CDKAL1: variants seen among roughly 807,000 people sequenced by gnomAD.
CDKAL1 encodes CDKAL1 threonylcarbamoyladenosine tRNA methylthiotransferase.
In CDKAL1, 32 loss-of-function variants were observed where a neutral mutation model predicts 68.2. That is an observed-to-expected ratio of 0.47 (90% confidence interval 0.35 to 0.63). The LOEUF (loss-of-function observed/expected upper bound fraction) is 0.63. Ranked by LOEUF, CDKAL1 falls within the 30% of genes least tolerant of loss-of-function variation. The pLI is 0.00. For missense variants in CDKAL1, 606 were observed against 696.7 expected, an observed-to-expected ratio of 0.87 and a Z score of 1.47; for synonymous variants, 234 against 244.3, an observed-to-expected ratio of 0.96 and a Z score of 0.39.
chr6:21,069,448 A>G (rs970336740), intron 12 of CDKAL1, among the ~76,000 whole-genome samples: 1 of 152,214 alleles, frequency 6.6e-6, no homozygotes, highest in Non-Finnish European at 1.5e-5. Flanking sequence ...ATTATAACCT[A>G]CATTGAATGG....
chr6:20,975,867 C>T (rs1040750990), intron 10 of CDKAL1, among the ~76,000 whole-genome samples: 1 of 152,168 alleles, frequency 6.6e-6, no homozygotes, highest in Non-Finnish European at 1.5e-5. Flanking sequence ...TTATGGCACT[C>T]TTACTAGGTT....
Position 20,788,057 on chromosome 6 carries a change from A to G in CDKAL1, c.638+6792A>G, listed in dbSNP as rs192461746. Among the ~76,000 whole-genome samples the G allele has an allele frequency of 1.9e-3, 291 of 152,326 alleles. 2 individuals are homozygous for G. The highest frequency in any genetic ancestry group is 6.5e-3 in the African/African-American group (269 of 41,574). On this transcript the variant is annotated intron_variant, in intron 8 of 15. Coordinates refer to ENST00000274695, the MANE Select transcript of CDKAL1 (RefSeq NM_017774.3). ...CCCTATTTCGACTGTCTTTTATGCT[A>G]TTAACTACTTGTAATTAGTAGTTGA...
intron 9 of CDKAL1, among the ~76,000 whole-genome samples, chr6:20,878,388 A>G (rs1760641746): frequency 6.6e-6 from 1 of 152,106 alleles, no homozygotes; most frequent in South Asian, 2.1e-4. Flanking sequence ...TTTTTCCTAC[A>G]TGCGGTATTA....
chr6:20,686,414 C>CACGAACCCTATTGGGAACTG (rs906348488), intron 5 of CDKAL1, among the ~76,000 whole-genome samples: 2 of 152,134 alleles, frequency 1.3e-5, no homozygotes, highest in Non-Finnish European at 2.9e-5. Context: ...CTCACAGGAG[C>CACGAACCCTATTGGGAACTG]ACGAACCCTA....
intron 13 of CDKAL1, among the ~76,000 whole-genome samples, chr6:21,179,327 G>A (rs895261102): frequency 7.9e-5 from 12 of 152,280 alleles, no homozygotes; most frequent in South Asian, 2.1e-4. Flanking sequence ...TTACTTGTTC[G>A]CAGATGTTTC....
chr6:20,572,862 T>C (rs1754088744), intron 4 of CDKAL1, among the ~76,000 whole-genome samples: 1 of 152,090 alleles, frequency 6.6e-6, no homozygotes, highest in Non-Finnish European at 1.5e-5. Context: ...TTTGAAAGTA[T>C]AGTAGTAGTT....
intron 9 of CDKAL1, among the ~76,000 whole-genome samples, chr6:20,872,161 A>G (rs1760256535): frequency 6.6e-6 from 1 of 152,214 alleles, no homozygotes; most frequent in African/African-American, 2.4e-5. Context: ...ATTATTGAAC[A>G]TATTTTAATT....
At chr6:20,572,203 A>G (rs575177586) in intron 4 of CDKAL1, among the ~76,000 whole-genome samples, 1 of 152,296 alleles carries the variant, frequency 6.6e-6, no homozygotes, top group Non-Finnish European at 1.5e-5. Flanking sequence ...TTCATTGGTT[A>G]TTAGGCAGCA....
At chr6:20,653,045 C>T (rs574459206) in intron 5 of CDKAL1, among the ~76,000 whole-genome samples, 1 of 152,198 alleles carries the variant, frequency 6.6e-6, no homozygotes, top group East Asian at 1.9e-4. Context: ...TTTTTCTCAG[C>T]ATTACGCTTT....
At chr6:21,226,471 T>C (rs1779748705) in intron 15 of CDKAL1, among the ~76,000 whole-genome samples, 1 of 152,236 alleles carries the variant, frequency 6.6e-6, no homozygotes, top group African/African-American at 2.4e-5. Context: ...GACAAACCCA[T>C]GTTAATCAAA....
intron 5 of CDKAL1, among the ~76,000 whole-genome samples, chr6:20,695,159 A>G (rs569591794): frequency 6.6e-6 from 1 of 152,242 alleles, no homozygotes; most frequent in South Asian, 2.1e-4. Context: ...TAGATCTAGT[A>G]TACATATTTT....
intron 8 of CDKAL1, among the ~76,000 whole-genome samples, chr6:20,841,639 T>A (rs950387765): frequency 5.9e-5 from 9 of 152,242 alleles, no homozygotes; most frequent in Admixed American, 5.9e-4. Flanking sequence ...CTGGGCGTGA[T>A]GGCTCACGCC....
At chr6:20,631,036 A>G (rs1463437144) in intron 4 of CDKAL1, among the ~76,000 whole-genome samples, 2 of 152,228 alleles carry the variant, frequency 1.3e-5, no homozygotes, top group African/African-American at 4.8e-5. Context: ...ATTTGTAGGC[A>G]AATTCCCTCT....
intron 12 of CDKAL1, among the ~76,000 whole-genome samples, chr6:21,097,884 C>G (rs960877110): frequency 6.6e-6 from 1 of 152,202 alleles, no homozygotes; most frequent in Non-Finnish European, 1.5e-5. Context: ...CCATCCAGCA[C>G]AAAAATTTGC....
chr6:20,978,042 C>A (rs998794093), intron 10 of CDKAL1, among the ~76,000 whole-genome samples: 1 of 152,122 alleles, frequency 6.6e-6, no homozygotes, highest in Non-Finnish European at 1.5e-5. Context: ...TGATACTACT[C>A]AAATTTTGAT....
At chr6:20,574,021 T>C (rs1764814959) in intron 4 of CDKAL1, among the ~76,000 whole-genome samples, 1 of 152,206 alleles carries the variant, frequency 6.6e-6, no homozygotes, top group South Asian at 2.1e-4. Context: ...ATGGTTAGTA[T>C]TATGGTGTCA....
chr6:21,121,379 G>A (rs900093420), intron 13 of CDKAL1, among the ~76,000 whole-genome samples: 1 of 152,246 alleles, frequency 6.6e-6, no homozygotes, highest in South Asian at 2.1e-4. Context: ...AGAATACTGC[G>A]TTCCATAGAC....
chr6:20,726,232 A>G (rs1332612018), intron 5 of CDKAL1, among the ~76,000 whole-genome samples: 1 of 152,076 alleles, frequency 6.6e-6, no homozygotes, highest in Non-Finnish European at 1.5e-5. Context: ...CAGGTCTTAG[A>G]TAATAACTCT....
intron 15 of CDKAL1, 79 bp from the exon 16 acceptor site, chr6:21,230,769 A>G: frequency 3.5e-6 from 4 of 1,149,694 alleles, no homozygotes; most frequent in Admixed American, 2.8e-5. Context: ...ACCTTCTGGA[A>G]CCCATTGCTT....
Sources: allele counts gnomAD v4.1 joint callset (sites outside exome capture counted in the v4.1 genomes callset), GRCh38; gene constraint gnomAD v4.1.1; transcripts MANE v1.5; gene names NCBI Gene and HGNC (gene_info 2026-07-23, HGNC 2026-07-21).